The following GFPT1 variants were observed in gnomAD, a reference collection of about 807,000 sequenced individuals.
GFPT1 encodes glutamine--fructose-6-phosphate transaminase 1.
A neutral mutation model predicts 92.0 loss-of-function variants in GFPT1; 40 were observed. The observed-to-expected ratio is 0.43, with a 90% CI of 0.34 to 0.57. GFPT1 has a LOEUF of 0.57. Ranked by LOEUF, GFPT1 falls within the 20% of genes least tolerant of loss-of-function variation. The probability of loss-of-function intolerance (pLI) is 0.02; values close to 1 mark genes in which losing one functional copy is unlikely to be tolerated. For missense variants in GFPT1, 448 were observed against 869.1 expected (o/e 0.52, Z 6.09); for synonymous variants, 269 against 280.6 (o/e 0.96, Z 0.41).
At chr2:69,340,852 G>T (rs4592895) in intron 13 of GFPT1, among the ~76,000 whole-genome samples, 13 of 152,126 alleles carry the variant, frequency 8.5e-5, no homozygotes, top group Middle Eastern at 3.4e-3. Context: ...TTGTCTTAGC[G>T]TTAGATGAAG....
At chr2:69,359,618 A>G (rs1006403683) in intron 4 of GFPT1, among the ~76,000 whole-genome samples, 2 of 152,336 alleles carry the variant, frequency 1.3e-5, no homozygotes, top group South Asian at 4.1e-4. Flanking sequence ...TAAACTAGTA[A>G]TCAAATGTTA....
intron 4 of GFPT1, among the ~76,000 whole-genome samples, chr2:69,362,773 G>C (rs1428059106): frequency 6.6e-6 from 1 of 151,892 alleles, no homozygotes. Flanking sequence ...CTCCAGCCTG[G>C]GCGACACAGC....
intron 12 of GFPT1, among the ~76,000 whole-genome samples, chr2:69,345,193 T>C (rs1201498335): frequency 1.3e-5 from 2 of 151,986 alleles, no homozygotes; most frequent in Non-Finnish European, 2.9e-5. Context: ...GAGGCAGCAG[T>C]TGCGGTGAGC....
Position 69,324,326 on chromosome 2 carries a change from C to G in GFPT1, c.*1863G>C, listed in dbSNP as rs1670482646. 1 of 152,012 alleles carries G rather than the reference C, an allele frequency of 6.6e-6. No homozygotes were observed. The highest frequency in any genetic ancestry group is 2.1e-4 in the South Asian group (1 of 4,828). 9.4% of individuals were successfully genotyped at this position (152,012 alleles called of 1,614,324 possible). A position where few individuals can be genotyped will look rare whatever the true frequency, so the allele number is the denominator to read the frequency against. ...TTAGAATGCTGAATCATACTTTAAA[C>G]TATAAGAAATGCTACAAACCCACAC... On this transcript the variant is annotated 3_prime_UTR_variant, in exon 20 of 20. Transcript: ENST00000357308.
chr2:69,383,787 G>A (rs1348720901), intron 1 of GFPT1, among the ~76,000 whole-genome samples: 2 of 152,006 alleles, frequency 1.3e-5, no homozygotes, highest in South Asian at 2.1e-4. Flanking sequence ...CACTACGCCC[G>A]GCTAATTTTT....
Position 69,320,244 on chromosome 2 carries a change from T to A in GFPT1, c.*5945A>T, listed in dbSNP as rs936554757. On this transcript the variant is annotated 3_prime_UTR_variant, in exon 20 of 20. Transcript: ENST00000357308. ...AAATTATTGTTTATCAACCTTTGGG[T>A]CTCACAGATTAAGAATGTACTAGTT... 6.6e-6 allele frequency: 1 copy of A among 152,204 alleles called. No individual in the cohort carries two copies. The highest frequency in any genetic ancestry group is 2.4e-5 in the African/African-American group (1 of 41,448). 9.4% of individuals were successfully genotyped at this position (152,204 alleles called of 1,614,324 possible).
At chr2:69,349,646 T>C (rs1671161091) in intron 10 of GFPT1, among the ~76,000 whole-genome samples, 1 of 152,182 alleles carries the variant, frequency 6.6e-6, no homozygotes, top group African/African-American at 2.4e-5. Flanking sequence ...ATAAAAATGA[T>C]TATGCTGCAA....
chr2:69,338,837 G>A (rs1242530612), intron 13 of GFPT1, among the ~76,000 whole-genome samples: 4 of 124,340 alleles, frequency 3.2e-5, no homozygotes, highest in African/African-American at 1.3e-4. Context: ...GTCTCGCTCT[G>A]TCGCCAGGCT....
intron 7 of GFPT1, among the ~76,000 whole-genome samples, chr2:69,355,346 G>C (rs1671311694): frequency 1.3e-5 from 2 of 152,046 alleles, no homozygotes; most frequent in South Asian, 2.1e-4. Context: ...CCAAAGTGCT[G>C]GGATTACAGG....
chr2:69,385,894 G>A (rs1253516782), intron 1 of GFPT1, among the ~76,000 whole-genome samples: 1 of 151,738 alleles, frequency 6.6e-6, no homozygotes, highest in African/African-American at 2.4e-5. Flanking sequence ...GCTGAAATGA[G>A]CATAAAGTTA....
rs1174257783 is a variant in GFPT1, at chr2:69,328,298, A to C, written c.1866T>G (p.Asn622Lys). The C allele has an allele frequency of 6.2e-7, 1 of 1,613,990 alleles. No homozygotes were observed. The highest frequency in any genetic ancestry group is 8.5e-7 in the Non-Finnish European group (1 of 1,179,870). The part of the protein sequence containing the change: ...MRDHTYAKCQ[N>K]ALQQVVARQG... ...GCCGAGCAACCACTTGCTGAAGAGC[A>C]TTCTGACACTTGGCATAAGTGTGAT... Residue 622 changes from asparagine (N) to lysine (K), a missense_variant, in exon 18 of 20, where the codon AAT becomes AAG. Asn to Lys is a moderately conservative substitution (Grantham distance 94). Around this residue, in one of 7 missense-constraint regions of GFPT1, gnomAD observed 55 missense variants for 98.8 expected, o/e 0.56. Transcript: ENST00000357308.
intron 4 of GFPT1, among the ~76,000 whole-genome samples, chr2:69,362,232 G>A (rs948378990): frequency 3.9e-5 from 6 of 152,052 alleles, no homozygotes; most frequent in African/African-American, 1.2e-4. Flanking sequence ...AGGTTCAGGT[G>A]ATCCTCCTGC....
At chr2:69,383,954 C>T (rs1262659164) in intron 1 of GFPT1, among the ~76,000 whole-genome samples, 1 of 152,070 alleles carries the variant, frequency 6.6e-6, no homozygotes, top group Non-Finnish European at 1.5e-5. Context: ...TATACACCGT[C>T]GAATCAGAAG....
intron 18 of GFPT1, among the ~76,000 whole-genome samples, chr2:69,327,776 A>G (rs1047471800): frequency 6.6e-6 from 1 of 152,192 alleles, no homozygotes; most frequent in African/African-American, 2.4e-5. Context: ...GTTCTGCCCA[A>G]TATGAGATCT....
At position 69,356,478 on chromosome 2, in the gene GFPT1, TGTTAGA is replaced by T. The variant is rs1671341167; in HGVS notation, c.605+12_605+17del. On this transcript the variant is annotated intron_variant, in intron 7 of 19. Transcript: ENST00000357308. ...AAATATGTTGAAATACATTAGTCATTGTTAGAGTTATATGTACCTTGTGCCAACTGC... is the reference window on the plus strand; with the variant it reads ...AAATATGTTGAAATACATTAGTCATTGTTATATGTACCTTGTGCCAACTGC... The T allele has an allele frequency of 6.4e-7, 1 of 1,562,462 alleles. No homozygotes were observed. Among genetic ancestry groups the T allele is most frequent in the African/African-American group, 1.4e-5 (1 of 73,934 alleles).
chr2:69,354,670 C>T (rs1671292910), intron 7 of GFPT1, 102 bp from the exon 8 acceptor site: 1 of 754,204 alleles, frequency 1.3e-6, no homozygotes, highest in African/African-American at 1.7e-5. Context: ...TTAAATCATC[C>T]TCCCCAAGCT....
At chr2:69,330,053 A>T (rs907461953) in intron 15 of GFPT1, among the ~76,000 whole-genome samples, 1 of 151,694 alleles carries the variant, frequency 6.6e-6, no homozygotes, top group African/African-American at 2.4e-5. Context: ...CCCTGTCTCT[A>T]AAAAAAATAC....
At position 69,327,095 on chromosome 2, in the gene GFPT1, A is replaced by G. The variant is rs1670548893; in HGVS notation, c.1894-20T>C. The G allele has an allele frequency of 6.2e-7, 1 of 1,611,752 alleles. No individual in the cohort carries two copies. The highest frequency in any genetic ancestry group is 1.3e-5 in the African/African-American group (1 of 74,886). Reference sequence around the variant, plus strand: ...CCGCCCCTAGGAAAGAAAATCACACACATACACAACATCACTGGTGGGCAA... The same window carrying G: ...CCGCCCCTAGGAAAGAAAATCACACGCATACACAACATCACTGGTGGGCAA... On this transcript the variant is annotated intron_variant, in intron 18 of 19. Transcript: ENST00000357308.
intron 10 of GFPT1, 123 bp from the exon 11 acceptor site, chr2:69,348,457 G>T: frequency 1.2e-6 from 1 of 829,114 alleles, no homozygotes; most frequent in Non-Finnish European, 2.0e-6. Flanking sequence ...GTATCTCAGA[G>T]AATTTTCTGG....
Sources: allele counts gnomAD v4.1 joint callset (sites outside exome capture counted in the v4.1 genomes callset), GRCh38; gene constraint gnomAD v4.1.1; regional missense constraint gnomAD v4.1.1; transcripts MANE v1.5; gene names NCBI Gene and HGNC (gene_info 2026-07-23, HGNC 2026-07-21).